COL19A1: variants seen among roughly 807,000 people sequenced by gnomAD.
COL19A1 encodes the protein collagen alpha-1(XIX) chain.
Under a neutral mutation model 190.2 loss-of-function variants are expected in COL19A1, and 159 were observed. The observed-to-expected ratio is 0.84, with a 90% CI of 0.73 to 0.95. The LOEUF (loss-of-function observed/expected upper bound fraction) is 0.95. Among genes scored for constraint, COL19A1 ranks in the 40% least tolerant of loss-of-function variants. The pLI is 0.00. For synonymous variants in COL19A1, 509 were observed against 458.9 expected, an observed-to-expected ratio of 1.11 and a Z score of -1.39; for missense variants, 1,418 against 1,431.9, an observed-to-expected ratio of 0.99 and a Z score of 0.16.
intron 37 of COL19A1, among the ~76,000 whole-genome samples, chr6:70,167,249 T>C (rs1765216879): frequency 6.6e-6 from 1 of 152,194 alleles, no homozygotes. Flanking sequence ...CAGTGACTTC[T>C]TCAACTCTGC....
intron 6 of COL19A1, among the ~76,000 whole-genome samples, chr6:69,930,209 TGTATTAGTAG>T (rs1226452038): frequency 1.3e-5 from 2 of 152,188 alleles, no homozygotes; most frequent in African/African-American, 4.8e-5. Context: ...ATTCACTAAA[TGTATTAGTAG>T]GTCATTTGAA....
intron 4 of COL19A1, among the ~76,000 whole-genome samples, chr6:69,926,953 G>A (rs984026961): frequency 2.0e-5 from 3 of 152,034 alleles, no homozygotes; most frequent in African/African-American, 7.2e-5. Context: ...AGACCAGAAG[G>A]CAGTGGGATG....
chr6:69,921,514 G>A (rs1028928869), intron 4 of COL19A1, among the ~76,000 whole-genome samples: 5,126 of 16,448 alleles, frequency 0.31, 310 homozygotes, highest in South Asian at 0.39. Context: ...ATATTCATAT[G>A]TATATTCATA....
At chr6:69,921,016 TATATATATTCATATATATC>T (rs1366937101) in intron 4 of COL19A1, among the ~76,000 whole-genome samples, 5 of 444 alleles carry the variant, frequency 0.011, no homozygotes, top group Non-Finnish European at 0.019. Flanking sequence ...TATATATTCA[TATATATATTCATATATATC>T]ATATATATTC....
chr6:70,194,136 G>C (rs1341309063), intron 48 of COL19A1, among the ~76,000 whole-genome samples: 1 of 152,228 alleles, frequency 6.6e-6, no homozygotes, highest in Non-Finnish European at 1.5e-5. Flanking sequence ...AGCCTCGAGA[G>C]CCATTGTCTC....
At chr6:70,167,939 A>G (rs1765264191) in intron 37 of COL19A1, 86 bp from the exon 38 acceptor site, 2 of 971,240 alleles carry the variant, frequency 2.1e-6, no homozygotes, top group Admixed American at 2.3e-5. Flanking sequence ...TAGAATAGGA[A>G]TAGTATCATT....
rs557858335 is a variant in COL19A1, at chr6:69,986,602, A to G, written c.1026+23732A>G. 6.6e-5 allele frequency among the ~76,000 whole-genome samples: 10 copies of G among 152,298 alleles called. No homozygotes were observed. In the South Asian group the frequency reaches 1.2e-3, roughly 19 times the overall value. On this transcript the variant is annotated intron_variant, in intron 11 of 50. Coordinates refer to ENST00000620364, the MANE Select transcript of COL19A1 (RefSeq NM_001858.6). The stretch of plus-strand genomic sequence containing the variant: ...CAGTTATTTTAATGTGCAAACCTAT[A>G]CACATAATGTACTAAATATGTGAAG...
intron 42 of COL19A1, among the ~76,000 whole-genome samples, chr6:70,178,764 A>G (rs924523696): frequency 3.3e-5 from 5 of 152,192 alleles, no homozygotes; most frequent in African/African-American, 1.2e-4. Context: ...TGCTCTTCCT[A>G]GAACGGACCG....
At chr6:69,874,480 G>A (rs2149936132) in intron 1 of COL19A1, among the ~76,000 whole-genome samples, 1 of 152,312 alleles carries the variant, frequency 6.6e-6, no homozygotes, top group East Asian at 1.9e-4. Flanking sequence ...GGCTGGGTGT[G>A]GTGGCTCACA....
At chr6:69,917,917 G>C (rs1206389606) in intron 4 of COL19A1, among the ~76,000 whole-genome samples, 2 of 152,168 alleles carry the variant, frequency 1.3e-5, no homozygotes, top group South Asian at 2.1e-4. Context: ...GCTGCATGTG[G>C]CCAGTGGGCG....
Position 69,938,249 on chromosome 6 carries a change from A to G in COL19A1, c.936+149A>G, listed in dbSNP as rs539082924. The G allele has an allele frequency of 4.1e-6, 3 of 732,904 alleles. No individual in the cohort carries two copies. The East Asian group carries it at 8.6e-5, about 21-fold the overall frequency. 45.4% of individuals were successfully genotyped at this position (732,904 alleles called of 1,614,324 possible). ...CTATATTAAAATGCTGATTACTGAA[A>G]TAGAGACTATCAGCATTCTAGTCAG... is the stretch of plus-strand genomic sequence containing the variant. On this transcript the variant is annotated intron_variant, in intron 9 of 50. Transcript: ENST00000620364.
intron 9 of COL19A1, among the ~76,000 whole-genome samples, chr6:69,954,265 A>G (rs965556060): frequency 1.3e-5 from 2 of 151,976 alleles, no homozygotes; most frequent in African/African-American, 4.8e-5. Flanking sequence ...GAGTGTGTCT[A>G]TACACCCTGC....
At chr6:69,931,567 C>T (rs985031525) in intron 6 of COL19A1, among the ~76,000 whole-genome samples, 1 of 152,104 alleles carries the variant, frequency 6.6e-6, no homozygotes, top group African/African-American at 2.4e-5. Flanking sequence ...TATTAATTAA[C>T]TAGAGTTCTC....
intron 15 of COL19A1, among the ~76,000 whole-genome samples, chr6:70,084,649 T>G (rs1782474916): frequency 6.6e-6 from 1 of 152,192 alleles, no homozygotes; most frequent in South Asian, 2.1e-4. Flanking sequence ...ACTTTGATTT[T>G]CCTTCTCTTC....
At chr6:70,025,466 T>A (rs904824140) in intron 12 of COL19A1, among the ~76,000 whole-genome samples, 1 of 152,316 alleles carries the variant, frequency 6.6e-6, no homozygotes, top group East Asian at 1.9e-4. Context: ...CTGCTACATG[T>A]AAGGCACAGT....
intron 14 of COL19A1, among the ~76,000 whole-genome samples, chr6:70,040,357 A>G (rs1360150596): frequency 6.6e-6 from 1 of 152,190 alleles, no homozygotes; most frequent in Non-Finnish European, 1.5e-5. Flanking sequence ...CACAGACTGG[A>G]GTCCTAGAAA....
chr6:70,090,365 A>G (rs977476807), intron 15 of COL19A1, among the ~76,000 whole-genome samples: 6 of 152,286 alleles, frequency 3.9e-5, no homozygotes, highest in African/African-American at 1.2e-4. Context: ...AAACATTACA[A>G]TATAACAACT....
At chr6:70,189,180 T>C (rs1297007227) in intron 47 of COL19A1, among the ~76,000 whole-genome samples, 2 of 152,220 alleles carry the variant, frequency 1.3e-5, no homozygotes, top group Non-Finnish European at 2.9e-5. Context: ...CAGTTTGTTG[T>C]TACAAATGAA....
rs1476222343 is a variant in COL19A1, at chr6:70,210,743, T to C, written c.*3469T>C. On this transcript the variant is annotated 3_prime_UTR_variant, in exon 51 of 51. Transcript: ENST00000620364. ...AACAGAAATACAAGGCTACGAACAG[T>C]TTAGTGGACAACTAAATCAGACTCT... Among the ~76,000 whole-genome samples the C allele has an allele frequency of 1.3e-5, 2 of 152,162 alleles. No homozygotes were observed. The highest frequency in any genetic ancestry group is 4.8e-5 in the African/African-American group (2 of 41,456).
Sources: gnomAD v4.1 joint callset for allele counts (sites outside exome capture counted in the v4.1 genomes callset) on GRCh38, gnomAD v4.1.1 for gene constraint, MANE v1.5 for transcripts, NCBI Gene and HGNC (gene_info 2026-07-23, HGNC 2026-07-21) for gene names.